SGCZ: variants seen among roughly 807,000 people sequenced by gnomAD.
The protein encoded by SGCZ is sarcoglycan zeta.
SGCZ carries 40 observed loss-of-function variants against 41.3 expected under a neutral mutation model. The ratio of observed to expected loss-of-function variants is 0.97; its 90% CI spans 0.75 to 1.26. The LOEUF is 1.26. SGCZ is among the 50% of genes most tolerant of loss of function. The pLI is 0.00. For missense variants in SGCZ, 552 were observed against 369.8 expected (o/e 1.49, Z -4.04); for synonymous variants, 206 against 137.5 (o/e 1.50, Z -3.49).
chr8:14,934,296 C>T (rs1800015589), intron 1 of SGCZ, among the ~76,000 whole-genome samples: 1 of 151,792 alleles, frequency 6.6e-6, no homozygotes, highest in Non-Finnish European at 1.5e-5. Flanking sequence ...ACTGGGACTA[C>T]TGTATATAAA....
chr8:14,786,091 A>T lies in SGCZ; in HGVS notation c.40-231165T>A, dbSNP rs375749971. Among the ~76,000 whole-genome samples the T allele has an allele frequency of 5.4e-3, 751 of 137,818 alleles. 1 individual carries two copies. The highest frequency in any genetic ancestry group is 0.01 in the South Asian group (48 of 4,668). 90.4% of individuals were successfully genotyped at this position (137,818 alleles called of 152,430 possible). On this transcript the variant is annotated intron_variant, in intron 1 of 7. Coordinates refer to ENST00000382080, the MANE Select transcript of SGCZ (RefSeq NM_139167.4). ...ATTATCAAGTAAGTGGTATACTGAAAAAAATGAGATTATTATTTTAACTTC... is the reference window on the plus strand; with the variant it reads ...ATTATCAAGTAAGTGGTATACTGAATAAAATGAGATTATTATTTTAACTTC...
At chr8:14,267,055 T>C (rs1799895728) in intron 3 of SGCZ, among the ~76,000 whole-genome samples, 1 of 152,114 alleles carries the variant, frequency 6.6e-6, no homozygotes, top group Admixed American at 6.6e-5. Flanking sequence ...TTTCACTTTG[T>C]CTTATAATAT....
At chr8:14,884,100 G>T (rs1233334804) in intron 1 of SGCZ, among the ~76,000 whole-genome samples, 2 of 152,078 alleles carry the variant, frequency 1.3e-5, no homozygotes, top group Non-Finnish European at 2.9e-5. Context: ...TTATTTGACA[G>T]ATTGATTTCA....
At chr8:14,261,033 C>A (rs1799647239) in intron 3 of SGCZ, among the ~76,000 whole-genome samples, 1 of 152,048 alleles carries the variant, frequency 6.6e-6, no homozygotes, top group African/African-American at 2.4e-5. Flanking sequence ...ACCAGCATGG[C>A]ACATGTATAC....
At chr8:15,182,239 C>G (rs531031001) in intron 1 of SGCZ, among the ~76,000 whole-genome samples, 3 of 152,184 alleles carry the variant, frequency 2.0e-5, no homozygotes, top group African/African-American at 7.2e-5. Context: ...AAAAATACAA[C>G]AAACCTAGAT....
At chr8:14,253,241 AG>A (rs1563214437) in intron 3 of SGCZ, among the ~76,000 whole-genome samples, 26 of 90,248 alleles carry the variant, frequency 2.9e-4, no homozygotes, top group Non-Finnish European at 4.4e-4. Context: ...AGTTGTGTGT[AG>A]GGTGTGTGTG....
At chr8:15,219,154 T>A (rs268338) in intron 1 of SGCZ, among the ~76,000 whole-genome samples, 128,358 of 152,168 alleles carry the variant, frequency 0.84, 54,763 homozygotes, top group Non-Finnish European at 0.91. Context: ...GCATATCATG[T>A]TTATTTATTA....
intron 5 of SGCZ, among the ~76,000 whole-genome samples, chr8:14,140,986 G>T (rs1400358971): frequency 1.3e-5 from 2 of 152,092 alleles, no homozygotes; most frequent in Non-Finnish European, 2.9e-5. Context: ...ATAGACCAAT[G>T]GAACAGGACA....
At chr8:14,179,364 A>G (rs537132464) in intron 4 of SGCZ, among the ~76,000 whole-genome samples, 1 of 152,280 alleles carries the variant, frequency 6.6e-6, no homozygotes, top group East Asian at 1.9e-4. Context: ...ACTTGGGCTA[A>G]TACCTTTTCT....
At chr8:14,373,897 T>C (rs1804006413) in intron 2 of SGCZ, among the ~76,000 whole-genome samples, 1 of 152,128 alleles carries the variant, frequency 6.6e-6, no homozygotes, top group South Asian at 2.1e-4. Context: ...TAGTTGATGG[T>C]TGATGGGTGC....
At chr8:14,732,160 G>A (rs1183300092) in intron 1 of SGCZ, among the ~76,000 whole-genome samples, 2 of 151,906 alleles carry the variant, frequency 1.3e-5, no homozygotes, top group African/African-American at 4.8e-5. Context: ...CTTTTTTATT[G>A]CCTTCTCACT....
intron 1 of SGCZ, among the ~76,000 whole-genome samples, chr8:14,701,438 T>C (rs554131183): frequency 6.6e-6 from 1 of 152,098 alleles, no homozygotes; most frequent in South Asian, 2.1e-4. Context: ...TCATCCACAA[T>C]AAAGCCTCAG....
At chr8:14,401,155 C>A (rs573375501) in intron 2 of SGCZ, among the ~76,000 whole-genome samples, 12 of 152,182 alleles carry the variant, frequency 7.9e-5, no homozygotes, top group African/African-American at 2.9e-4. Context: ...TTAATCTTGT[C>A]CAAACTAATG....
chr8:15,034,787 CAA>C (rs35196595), intron 1 of SGCZ, among the ~76,000 whole-genome samples: 74,656 of 151,776 alleles, frequency 0.49, 19,084 homozygotes, highest in Admixed American at 0.57. Flanking sequence ...ACTTTACAGA[CAA>C]GAGAGAGTGG....
intron 3 of SGCZ, among the ~76,000 whole-genome samples, chr8:14,321,116 T>C (rs952920331): frequency 2.6e-5 from 4 of 152,112 alleles, no homozygotes; most frequent in African/African-American, 9.7e-5. Context: ...TTATATAAAC[T>C]AGCCCAGATT....
intron 2 of SGCZ, among the ~76,000 whole-genome samples, chr8:14,449,083 G>A (rs1341151151): frequency 1.3e-5 from 2 of 152,126 alleles, no homozygotes; most frequent in Non-Finnish European, 2.9e-5. Context: ...TGCAAAACAA[G>A]TCCTGCCAGC....
At chr8:15,158,912 C>G (rs1239655379) in intron 1 of SGCZ, among the ~76,000 whole-genome samples, 1 of 152,152 alleles carries the variant, frequency 6.6e-6, no homozygotes, top group Non-Finnish European at 1.5e-5. Flanking sequence ...GCAGTATTGT[C>G]AAATATATAT....
Position 15,237,865 on chromosome 8 carries a change from C to T in SGCZ, c.-242G>A, listed in dbSNP as rs1310654178. 2.2e-6 allele frequency: 1 copy of T among 463,704 alleles called. No individual in the cohort carries two copies. Among genetic ancestry groups the T allele is most frequent in the African/African-American group, 2.0e-5 (1 of 50,434 alleles). 28.7% of individuals were successfully genotyped at this position (463,704 alleles called of 1,614,324 possible). On this transcript the variant is annotated 5_prime_UTR_variant, in exon 1 of 8. Coordinates refer to ENST00000382080, the MANE Select transcript of SGCZ (RefSeq NM_139167.4). ...ATTTAGTGACAGGTGATCTCTACCGCGGTGCAACACAGCTGAGTCGATTGA... is the reference window on the plus strand; with the variant it reads ...ATTTAGTGACAGGTGATCTCTACCGTGGTGCAACACAGCTGAGTCGATTGA...
At chr8:14,453,224 A>C (rs918141775) in intron 2 of SGCZ, among the ~76,000 whole-genome samples, 1 of 152,110 alleles carries the variant, frequency 6.6e-6, no homozygotes, top group African/African-American at 2.4e-5. Flanking sequence ...AAACATAAAA[A>C]TTTTCTATTC....
Sources: allele counts gnomAD v4.1 joint callset (sites outside exome capture counted in the v4.1 genomes callset), GRCh38; gene constraint gnomAD v4.1.1; transcripts MANE v1.5; gene names NCBI Gene and HGNC (gene_info 2026-07-23, HGNC 2026-07-21).